Variants in FRAS1 observed in about 807,000 individuals in gnomAD.
FRAS1 encodes Fraser extracellular matrix complex subunit 1.
FRAS1 carries 290 observed loss-of-function variants against 435.2 expected under a neutral mutation model. That is an observed-to-expected ratio of 0.67 (90% CI 0.61 to 0.73). The LOEUF (loss-of-function observed/expected upper bound fraction) is 0.73, where lower values mean the gene tolerates loss of function less well. FRAS1 is among the 30% of genes least tolerant of loss of function. FRAS1 has a pLI of 0.00. For synonymous variants in FRAS1, 1,800 were observed against 1,851.0 expected (o/e 0.97, Z 0.71); for missense variants, 4,860 against 5,001.5 (o/e 0.97, Z 0.85).
chr4:78,320,260 T>C (rs1192209095), intron 18 of FRAS1, among the ~76,000 whole-genome samples: 2 of 152,230 alleles, frequency 1.3e-5, no homozygotes, highest in Non-Finnish European at 2.9e-5. Context: ...TCTGTTTTTA[T>C]AACCACTTGT....
Position 78,438,952 on chromosome 4 carries a change from ATT to A in FRAS1, c.5419_5420del (p.Phe1807LeufsTer4), listed in dbSNP as rs1309612511. The A allele has an allele frequency of 6.2e-7, 1 of 1,612,834 alleles. No homozygotes were observed. Among genetic ancestry groups the A allele is most frequent in the Admixed American group, 1.7e-5 (1 of 59,816 alleles). On this transcript the variant is annotated frameshift_variant, in exon 40 of 74. Transcript: ENST00000512123. LOFTEE classifies it high-confidence loss of function. Reference sequence around the variant, plus strand: ...GGTCATCTGGTTACTGATAGCTTCTATTTCTCTGTCTCTGACATGGACCACAA... The same window carrying A: ...GGTCATCTGGTTACTGATAGCTTCTATCTCTGTCTCTGACATGGACCACAA...
intron 18 of FRAS1, among the ~76,000 whole-genome samples, chr4:78,320,031 T>C (rs1343750115): frequency 6.6e-6 from 1 of 152,188 alleles, no homozygotes; most frequent in Non-Finnish European, 1.5e-5. Context: ...GGCCGGTAAA[T>C]TATAAAGCCC....
chr4:78,183,780 A>C (rs1197527879), intron 2 of FRAS1, among the ~76,000 whole-genome samples: 2 of 105,758 alleles, frequency 1.9e-5, no homozygotes, highest in Non-Finnish European at 4.7e-5. Context: ...GTGTGTTTAA[A>C]TATATTATAG....
At chr4:78,313,217 AT>A (rs1729103116) in intron 15 of FRAS1, among the ~76,000 whole-genome samples, 1 of 151,944 alleles carries the variant, frequency 6.6e-6, no homozygotes, top group Non-Finnish European at 1.5e-5. Context: ...TTTCAGATTC[AT>A]TTTCATTTCT....
At chr4:78,367,941 T>C (rs1731340492) in intron 22 of FRAS1, among the ~76,000 whole-genome samples, 1 of 152,222 alleles carries the variant, frequency 6.6e-6, no homozygotes, top group African/African-American at 2.4e-5. Context: ...AATTAAGGCC[T>C]AATTAATGTG....
chr4:78,310,529 A>G (rs898427015), intron 15 of FRAS1, among the ~76,000 whole-genome samples: 1 of 152,236 alleles, frequency 6.6e-6, no homozygotes, highest in Non-Finnish European at 1.5e-5. Context: ...GACATTAGTC[A>G]ACCAATGAAT....
At chr4:78,207,042 T>C (rs959735119) in intron 2 of FRAS1, among the ~76,000 whole-genome samples, 6 of 152,186 alleles carry the variant, frequency 3.9e-5, no homozygotes, top group Non-Finnish European at 8.8e-5. Flanking sequence ...AAAGCTACTT[T>C]GAAAAATTAG....
At chr4:78,275,687 G>A (rs2110169868) in intron 9 of FRAS1, among the ~76,000 whole-genome samples, 2 of 152,324 alleles carry the variant, frequency 1.3e-5, no homozygotes, top group East Asian at 1.9e-4. Context: ...GAGATCAGCT[G>A]TTAGTCTGAT....
At chr4:78,266,767 G>C in intron 7 of FRAS1, 67 bp from the exon 8 acceptor site, 1 of 1,200,410 alleles carries the variant, frequency 8.3e-7, no homozygotes, top group East Asian at 2.5e-5. Context: ...TGTCTTATGT[G>C]ACAGTGCTTC....
chr4:78,128,901 G>A (rs1245195685), intron 2 of FRAS1, among the ~76,000 whole-genome samples: 1 of 152,190 alleles, frequency 6.6e-6, no homozygotes, highest in African/African-American at 2.4e-5. Context: ...TACCATTTAA[G>A]TCTTTAATCC....
At position 78,372,778 on chromosome 4, in the gene FRAS1, T is replaced by C; in HGVS notation, c.2930T>C (p.Met977Thr). Residue 977 changes from methionine to threonine, a missense_variant, in exon 24 of 74, where the codon ATG becomes ACG. Physicochemically the swap from Met to Thr is moderately conservative, Grantham distance 81 (BLOSUM62 -1). Transcript: ENST00000512123. ...GPLKTDCLQCMDGYVLQDGAC... is the reference protein window; with the variant it reads ...GPLKTDCLQCTDGYVLQDGAC... ...CTGAAAACAGACTGCCTGCAGTGCA[T>C]GGATGGCTATGTTCTCCAGGATGGG... The C allele has an allele frequency of 1.2e-6, 2 of 1,613,254 alleles. No individual in the cohort carries two copies. The highest frequency in any genetic ancestry group is 1.7e-6 in the Non-Finnish European group (2 of 1,179,716).
chr4:78,469,281 G>A (rs538207832), intron 50 of FRAS1, among the ~76,000 whole-genome samples: 39 of 152,318 alleles, frequency 2.6e-4, no homozygotes, highest in Admixed American at 8.5e-4. Flanking sequence ...CCAACTTGCT[G>A]TATCCACCCA....
chr4:78,104,798 T>G (rs1742306601), intron 2 of FRAS1, among the ~76,000 whole-genome samples: 1 of 152,214 alleles, frequency 6.6e-6, no homozygotes, highest in Non-Finnish European at 1.5e-5. Context: ...AATAGATACT[T>G]AAGAGCCCTA....
Position 78,481,946 on chromosome 4 carries a change from G to C in FRAS1, c.8586G>C (p.Gly2862=). The change falls in exon 57 of 74, where the codon GGG becomes GGC. Residue 2862 remains glycine (G), a synonymous_variant. Coordinates refer to ENST00000512123, the MANE Select transcript of FRAS1 (RefSeq NM_025074.7). ...YVPSSRKVEF[G]PGVIEQYCTL... ...CCAGCTCTCGGAAGGTGGAATTTGG[G>C]CCTGGTGTCATTGAACAGGTGCGTT... 6.2e-7 allele frequency: 1 copy of C among 1,613,784 alleles called. No individual in the cohort carries two copies. The highest frequency in any genetic ancestry group is 8.5e-7 in the Non-Finnish European group (1 of 1,179,810).
chr4:78,513,099 A>G (rs535703008), intron 64 of FRAS1, among the ~76,000 whole-genome samples: 29 of 152,226 alleles, frequency 1.9e-4, no homozygotes, highest in South Asian at 4.1e-4. Context: ...AAAGCAAAGG[A>G]GAGCTTTAAA....
At chr4:78,072,087 T>C (rs1302087072) in intron 2 of FRAS1, 2 of 151,994 alleles carry the variant, frequency 1.3e-5, no homozygotes, top group East Asian at 1.9e-4. Context: ...CTTTCTTGAA[T>C]AAAAGAAAAG....
intron 58 of FRAS1, among the ~76,000 whole-genome samples, chr4:78,483,798 A>ATATATATATATATATAT (rs1491045148): frequency 8.1e-4 from 58 of 71,528 alleles, no homozygotes; most frequent in South Asian, 3.0e-3. Context: ...ATATATATAT[A>ATATATATATATATATAT]AAATTATGTA....
chr4:78,077,012 A>G (rs764186530), intron 2 of FRAS1, among the ~76,000 whole-genome samples: 3 of 152,210 alleles, frequency 2.0e-5, no homozygotes, highest in Non-Finnish European at 4.4e-5. Flanking sequence ...ATGCGAACTT[A>G]TTAAGGTCAA....
chr4:78,534,380 G>C (rs566130203), intron 70 of FRAS1, 69 bp from the exon 71 acceptor site: 2 of 1,322,766 alleles, frequency 1.5e-6, no homozygotes, highest in East Asian at 2.3e-5. Context: ...GGGAAGGGAG[G>C]GTGACTCAAA....
Sources: allele counts gnomAD v4.1 joint callset (sites outside exome capture counted in the v4.1 genomes callset), GRCh38; gene constraint gnomAD v4.1.1; transcripts MANE v1.5; gene names NCBI Gene and HGNC (gene_info 2026-07-23, HGNC 2026-07-21).